Variants in SLC4A4 observed in about 807,000 individuals in gnomAD.
SLC4A4 encodes electrogenic sodium bicarbonate cotransporter 1.
A neutral mutation model predicts 111.5 loss-of-function variants in SLC4A4; 27 were observed. The ratio of observed to expected loss-of-function variants is 0.24; its 90% CI spans 0.18 to 0.33. The LOEUF (loss-of-function observed/expected upper bound fraction) is 0.33, where lower values mean the gene tolerates loss of function less well. Among genes scored for constraint, SLC4A4 ranks in the 10% least tolerant of loss-of-function variants. The pLI is 1.00. For missense variants in SLC4A4, 909 were observed against 1,315.5 expected, an observed-to-expected ratio of 0.69 and a Z score of 4.78; for synonymous variants, 443 against 463.4, an observed-to-expected ratio of 0.96 and a Z score of 0.57.
At chr4:71,125,148 AT>A (rs1743528157) in intron 2 of SLC4A4, among the ~76,000 whole-genome samples, 1 of 152,208 alleles carries the variant, frequency 6.6e-6, no homozygotes, top group Admixed American at 6.5e-5. Flanking sequence ...TGATTTATGT[AT>A]AGGCAAGTGG....
intron 6 of SLC4A4, among the ~76,000 whole-genome samples, chr4:71,375,851 C>A (rs915788986): frequency 6.6e-6 from 1 of 151,728 alleles, no homozygotes; most frequent in Non-Finnish European, 1.5e-5. Flanking sequence ...GGAGTAGTGG[C>A]GGAGATCATG....
At chr4:71,098,685 G>T (rs1244453158) in intron 2 of SLC4A4, among the ~76,000 whole-genome samples, 1 of 151,956 alleles carries the variant, frequency 6.6e-6, no homozygotes, top group Non-Finnish European at 1.5e-5. Flanking sequence ...TAGATAAAAA[G>T]CAAGACCCAA....
chr4:71,443,175 G>C (rs538800717), intron 8 of SLC4A4, among the ~76,000 whole-genome samples: 1 of 140,430 alleles, frequency 7.1e-6, no homozygotes, highest in East Asian at 2.1e-4. Context: ...GGGGGTGATA[G>C]AGTCTTGCTG....
rs1191063963 is a variant in SLC4A4, at chr4:71,453,463, A to G, written c.1323-32A>G. On this transcript the variant is annotated intron_variant, in intron 11 of 25. Transcript: ENST00000264485. ...TTAATTTGATGGTAATTTACTTTAC[A>G]TTTAGTGGATGTTTGCATTCTCTCT... 1.9e-6 allele frequency: 3 copies of G among 1,600,732 alleles called. No homozygotes were observed. In the Admixed American group the frequency reaches 5.0e-5, roughly 27 times the overall value.
intron 2 of SLC4A4, among the ~76,000 whole-genome samples, chr4:71,173,730 A>G (rs1578550285): frequency 6.6e-6 from 1 of 152,334 alleles, no homozygotes; most frequent in East Asian, 1.9e-4. Context: ...ACCGAGAAAG[A>G]CCAATCCAAC....
At chr4:71,349,141 A>T (rs1729591249) in intron 4 of SLC4A4, among the ~76,000 whole-genome samples, 1 of 152,136 alleles carries the variant, frequency 6.6e-6, no homozygotes, top group Non-Finnish European at 1.5e-5. Context: ...TATATTGCTA[A>T]GTTATCAAAA....
At chr4:71,078,031 C>A (rs1578456336) in intron 1 of SLC4A4, among the ~76,000 whole-genome samples, 1 of 151,890 alleles carries the variant, frequency 6.6e-6, no homozygotes, top group African/African-American at 2.4e-5. Context: ...CCATTACTTG[C>A]AAAAAATCTT....
intron 2 of SLC4A4, among the ~76,000 whole-genome samples, chr4:71,123,584 T>C (rs1472825408): frequency 6.6e-6 from 1 of 152,136 alleles, no homozygotes; most frequent in Non-Finnish European, 1.5e-5. Flanking sequence ...TTACCTGAAG[T>C]ATATACTAAT....
intron 22 of SLC4A4, 52 bp from the exon 23 acceptor site, chr4:71,560,041 G>T: frequency 7.0e-7 from 1 of 1,420,506 alleles, no homozygotes; most frequent in Non-Finnish European, 9.9e-7. Context: ...TATGCTTGCT[G>T]TGACTTCATC....
In SLC4A4 at chr4:71,154,501, A is replaced by G. The variant is rs1744406808; in HGVS notation, c.-2+61709A>G. On this transcript the variant is annotated intron_variant, in intron 2 of 26. Transcript: ENST00000649996. ...GATGCTTGAATAGGATAGATACAAG[A>G]GAGGATGCAGTAAAGAATTACCTGC... Among the ~76,000 whole-genome samples, 4 of 152,194 alleles carry G rather than the reference A, an allele frequency of 2.6e-5. No homozygotes were observed. In the South Asian group the frequency reaches 6.2e-4, roughly 24 times the overall value.
intron 6 of SLC4A4, among the ~76,000 whole-genome samples, chr4:71,393,031 G>A (rs372538955): frequency 1.3e-5 from 2 of 151,984 alleles, no homozygotes; most frequent in East Asian, 3.9e-4. Context: ...TGTAATAAAA[G>A]CCATCTATGA....
At chr4:71,218,306 C>G (rs986912108) in intron 1 of SLC4A4, among the ~76,000 whole-genome samples, 6 of 152,294 alleles carry the variant, frequency 3.9e-5, no homozygotes, top group African/African-American at 1.2e-4. Flanking sequence ...TTTGTCTCAA[C>G]TGGTTATGGT....
rs115600963 is a variant in SLC4A4 at position 71,279,447 on chromosome 4, T to C, written c.253+24048T>C. 4.1e-3 allele frequency among the ~76,000 whole-genome samples: 630 copies of C among 152,314 alleles called. 3 individuals are homozygous for C. The highest frequency in any genetic ancestry group is 0.014 in the African/African-American group (600 of 41,566). On this transcript the variant is annotated intron_variant, in intron 3 of 25. Transcript: ENST00000264485. ...CTGTTTTTCAAAGGCTGAATAATAT[T>C]CCATTGGATATTATATATCTATGTA...
Position 71,307,039 on chromosome 4 carries a change from GGA to G in SLC4A4, c.254-32330_254-32329del, listed in dbSNP as rs370766941. 2.5e-3 allele frequency among the ~76,000 whole-genome samples: 376 copies of G among 152,290 alleles called. 1 individual carries two copies. The highest frequency in any genetic ancestry group is 8.6e-3 in the African/African-American group (356 of 41,558). The stretch of plus-strand genomic sequence containing the variant: ...TTAACAAACTGTTTAATGCGCGGTA[GGA>G]AAGCCAAGTAAGCCTGAAGCATTTA... On this transcript the variant is annotated intron_variant, in intron 3 of 25. Transcript: ENST00000264485.
rs911951798 is a variant in SLC4A4, at chr4:71,207,836, A to G, written c.-2+20435A>G. 9.8e-5 allele frequency among the ~76,000 whole-genome samples: 15 copies of G among 152,300 alleles called. No individual in the cohort carries two copies. In the East Asian group the frequency reaches 2.9e-3, roughly 29 times the overall value. On this transcript the variant is annotated intron_variant, in intron 1 of 25. Transcript: ENST00000264485. ...TTTCCTCCTTTTTCTTCGGGGAGACAGGGGCTCATTCCATTGCCCAGGTTG... is the reference window on the plus strand; with the variant it reads ...TTTCCTCCTTTTTCTTCGGGGAGACGGGGGCTCATTCCATTGCCCAGGTTG...
intron 2 of SLC4A4, among the ~76,000 whole-genome samples, chr4:71,143,466 T>C (rs1197810096): frequency 1.3e-5 from 2 of 152,156 alleles, no homozygotes; most frequent in African/African-American, 4.8e-5. Flanking sequence ...ATATACCCAG[T>C]AATGGGATTG....
In SLC4A4 at chr4:71,092,002, AG is replaced by A. The variant is rs1742405123; in HGVS notation, c.-64-727del. ...AGAGTGGCATGCAGTAATAAAATGT[AG>A]TGGCCATCTTCAAGGGAGTTTTATC... On this transcript the variant is annotated intron_variant, in intron 1 of 26. Coordinates refer to the SLC4A4 transcript ENST00000649996. Among the ~76,000 whole-genome samples, 6 of 152,226 alleles carry A rather than the reference AG, an allele frequency of 3.9e-5. No homozygotes were observed. The South Asian group carries it at 1.2e-3, about 31-fold the overall frequency.
intron 1 of SLC4A4, among the ~76,000 whole-genome samples, chr4:71,077,531 G>A (rs780206170): frequency 6.6e-6 from 1 of 152,132 alleles, no homozygotes; most frequent in Admixed American, 6.5e-5. Flanking sequence ...GGTAGACAAA[G>A]ATAAAGACCC....
chr4:71,314,224 C>T (rs1016674021), intron 3 of SLC4A4, among the ~76,000 whole-genome samples: 8 of 152,080 alleles, frequency 5.3e-5, no homozygotes, highest in African/African-American at 1.9e-4. Context: ...CAATGAGATA[C>T]CATCTCATGC....
Sources: allele counts gnomAD v4.1 joint callset (sites outside exome capture counted in the v4.1 genomes callset), GRCh38; gene constraint gnomAD v4.1.1; transcripts MANE v1.5; gene names NCBI Gene and HGNC (gene_info 2026-07-23, HGNC 2026-07-21).